The following BMP2K variants were observed in gnomAD, a reference collection of about 807,000 sequenced individuals.
BMP2K encodes BMP2 inducible kinase, also known as BMP-2-inducible protein kinase.
A neutral mutation model predicts 116.0 loss-of-function variants in BMP2K; 74 were observed. The observed-to-expected ratio is 0.64, with a 90% CI of 0.53 to 0.77. The LOEUF (loss-of-function observed/expected upper bound fraction) is 0.77. Ranked by LOEUF, BMP2K falls within the 30% of genes least tolerant of loss-of-function variation. BMP2K has a pLI of 0.00. For synonymous variants in BMP2K, 486 were observed against 502.5 expected, an observed-to-expected ratio of 0.97 and a Z score of 0.44; for missense variants, 1,365 against 1,403.6, an observed-to-expected ratio of 0.97 and a Z score of 0.44.
chr4:78,887,004 T>C, intron 14 of BMP2K, 170 bp from the exon 15 acceptor site: 1 of 520,412 alleles, frequency 1.9e-6, no homozygotes, highest in Admixed American at 3.5e-5. Context: ...AAATATGTAT[T>C]AAATTCAGGA....
chr4:78,830,679 A>G (rs1730166816), intron 2 of BMP2K, among the ~76,000 whole-genome samples: 1 of 152,162 alleles, frequency 6.6e-6, no homozygotes, highest in Admixed American at 6.5e-5. Flanking sequence ...CTTTGTACTT[A>G]ATATGTGCTG....
chr4:78,803,574 T>G (rs922479260), intron 1 of BMP2K, among the ~76,000 whole-genome samples: 1 of 152,048 alleles, frequency 6.6e-6, no homozygotes, highest in African/African-American at 2.4e-5. Flanking sequence ...AGATGGGGTT[T>G]CGCCATGTTG....
At chr4:78,879,467 T>C (rs1298509408) in intron 14 of BMP2K, 1 of 959,002 alleles carries the variant, frequency 1.0e-6, no homozygotes. Context: ...CTTGGAATCA[T>C]TGCTTTTCTT....
Position 78,912,204 on chromosome 4 carries a change from G to A in BMP2K, c.*171G>A. On this transcript the variant is annotated 3_prime_UTR_variant, in exon 16 of 16. Transcript: ENST00000502613. ...AAGAATGAAGTATCTCTACAGGGTA[G>A]TAACTTGATTCCTCTTCAGGAGAAA... 1.6e-6 allele frequency: 1 copy of A among 611,972 alleles called. No individual in the cohort carries two copies. The highest frequency in any genetic ancestry group is 2.7e-6 in the Non-Finnish European group (1 of 365,302). The allele number at this position is 611,972 out of a possible 1,614,324, so 37.9% of individuals were successfully genotyped here. A position where few individuals can be genotyped will look rare whatever the true frequency, so the allele number is the denominator to read the frequency against.
chr4:78,851,472 A>G (rs1037101219), intron 7 of BMP2K, among the ~76,000 whole-genome samples: 1 of 152,118 alleles, frequency 6.6e-6, no homozygotes, highest in Non-Finnish European at 1.5e-5. Flanking sequence ...GGGGAGGACC[A>G]TCAGCTATTA....
At chr4:78,803,190 A>T (rs776686215) in intron 1 of BMP2K, among the ~76,000 whole-genome samples, 19 of 151,996 alleles carry the variant, frequency 1.3e-4, no homozygotes, top group Non-Finnish European at 2.2e-4. Flanking sequence ...GACTAACCCC[A>T]CTTCATCTTA....
At chr4:78,776,793 C>G in intron 1 of BMP2K, 72 bp downstream of exon 1, 1 of 1,182,678 alleles carries the variant, frequency 8.5e-7, no homozygotes, top group African/African-American at 1.6e-5. Context: ...TTCTCCGGGT[C>G]CTCGCCCTCC....
In BMP2K at chr4:78,872,738, A is replaced by G; in HGVS notation, c.1733A>G (p.Tyr578Cys). The stretch of plus-strand genomic sequence containing the variant: ...GAGTTCTCACCAGCCTTAGTTTCCT[A>G]CACTTCATCACTTCCAGCTCAGGTT... The part of the protein sequence containing the change: ...PQEFSPALVS[Y>C]TSSLPAQVGT... Residue 578 changes from tyrosine to cysteine, a missense_variant, in exon 13 of 16, where the codon TAC (tyrosine) becomes TGC (cysteine). Transcript: ENST00000502613. The G allele has an allele frequency of 1.9e-6, 3 of 1,614,104 alleles. No homozygotes were observed. The highest frequency in any genetic ancestry group is 1.7e-5 in the Admixed American group (1 of 60,014).
intron 10 of BMP2K, among the ~76,000 whole-genome samples, chr4:78,868,651 G>C (rs1732178256): frequency 6.6e-6 from 1 of 152,144 alleles, no homozygotes; most frequent in South Asian, 2.1e-4. Flanking sequence ...GATACAATGG[G>C]GATAAGGTAT....
chr4:78,793,340 G>C (rs1369961673), intron 1 of BMP2K, among the ~76,000 whole-genome samples: 1 of 151,050 alleles, frequency 6.6e-6, no homozygotes, highest in Non-Finnish European at 1.5e-5. Context: ...AACCCGGGAG[G>C]TGGAGCTTGC....
At chr4:78,792,341 A>G (rs1055335991) in intron 1 of BMP2K, among the ~76,000 whole-genome samples, 1 of 152,222 alleles carries the variant, frequency 6.6e-6, no homozygotes, top group African/African-American at 2.4e-5. Flanking sequence ...TGCATAAGGA[A>G]GCAGTATCGT....
At chr4:78,823,374 T>A (rs1729712533) in intron 1 of BMP2K, among the ~76,000 whole-genome samples, 2 of 151,776 alleles carry the variant, frequency 1.3e-5, no homozygotes, top group African/African-American at 4.8e-5. Flanking sequence ...TCAGAACCAT[T>A]TGGGGGAACT....
rs757226924 is a variant in BMP2K at position 78,852,560 on chromosome 4, T to A, written c.883+1504T>A. On this transcript the variant is annotated intron_variant, in intron 7 of 15. Coordinates refer to ENST00000502613, the MANE Select transcript of BMP2K (RefSeq NM_198892.2). Reference sequence around the variant, plus strand: ...AACCATAACTTACTTACCTATAATGTAATGTGTTTTAGAAAACATTTAGAT... The same window carrying A: ...AACCATAACTTACTTACCTATAATGAAATGTGTTTTAGAAAACATTTAGAT... Among the ~76,000 whole-genome samples, 25 of 152,188 alleles carry A rather than the reference T, an allele frequency of 1.6e-4. 1 individual carries two copies. The highest frequency in any genetic ancestry group is 3.9e-4 in the Admixed American group (6 of 15,250).
intron 5 of BMP2K, among the ~76,000 whole-genome samples, chr4:78,846,384 CAG>C (rs1221066688): frequency 1.3e-5 from 2 of 151,536 alleles, no homozygotes; most frequent in African/African-American, 2.4e-5. Flanking sequence ...TCTCACCAGT[CAG>C]AGTGTTTGGA....
chr4:78,864,292 T>A (rs1731937686), intron 9 of BMP2K, among the ~76,000 whole-genome samples: 1 of 152,016 alleles, frequency 6.6e-6, no homozygotes, highest in Non-Finnish European at 1.5e-5. Flanking sequence ...TTACTTGAGC[T>A]TAGGGAGTAT....
chr4:78,789,140 T>C (rs1237942009), intron 1 of BMP2K, among the ~76,000 whole-genome samples: 1 of 152,152 alleles, frequency 6.6e-6, no homozygotes, highest in African/African-American at 2.4e-5. Context: ...TAGTCTTTCT[T>C]TGAAAATGCT....
At chr4:78,806,305 AG>A (rs1204753188) in intron 1 of BMP2K, among the ~76,000 whole-genome samples, 1 of 152,102 alleles carries the variant, frequency 6.6e-6, no homozygotes, top group Non-Finnish European at 1.5e-5. Context: ...CCTTCTAAAT[AG>A]CTGGGACTAC....
intron 1 of BMP2K, among the ~76,000 whole-genome samples, chr4:78,788,895 G>GTTT (rs369759418): frequency 0.068 from 7,325 of 107,164 alleles, 276 homozygotes; most frequent in East Asian, 0.25. Flanking sequence ...AATAGTGGCT[G>GTTT]TTTTTTTTTT....
At chr4:78,851,668 T>C (rs1731257182) in intron 7 of BMP2K, among the ~76,000 whole-genome samples, 1 of 151,698 alleles carries the variant, frequency 6.6e-6, no homozygotes, top group African/African-American at 2.4e-5. Context: ...ATGATGAAGA[T>C]GGCAGTTCAA....
Sources: allele counts gnomAD v4.1 joint callset (sites outside exome capture counted in the v4.1 genomes callset), GRCh38; gene constraint gnomAD v4.1.1; transcripts MANE v1.5; gene names NCBI Gene and HGNC (gene_info 2026-07-23, HGNC 2026-07-21).